Variants in EBLN1 observed in about 807,000 individuals in gnomAD.
EBLN1 encodes endogenous Bornavirus like nucleoprotein 1, also known as endogenous Bornavirus-like nucleoprotein 1.
In EBLN1, 1 loss-of-function variant was observed where a neutral mutation model predicts 0.8. That is an observed-to-expected ratio of 1.32 (90% CI 0.47 to 6.26). EBLN1 has a LOEUF of 6.26. Ranked by LOEUF, EBLN1 falls within the 30% of genes most tolerant of loss-of-function variation. The probability of loss-of-function intolerance (pLI) is 0.15; values close to 1 mark genes in which losing one functional copy is unlikely to be tolerated. For synonymous variants in EBLN1, 158 were observed against 158.5 expected (o/e 1.00, Z 0.02); for missense variants, 396 against 447.9 (o/e 0.88, Z 1.05).
chr10:22,212,237 T>C (rs1834760816), intron 2 of EBLN1, among the ~76,000 whole-genome samples: 1 of 152,214 alleles, frequency 6.6e-6, no homozygotes, highest in Non-Finnish European at 1.5e-5. Flanking sequence ...ATTTAATTAA[T>C]AACTTGAACT....
chr10:22,208,711 G>T lies in EBLN1; in HGVS notation c.*172C>A. On this transcript the variant is annotated 3_prime_UTR_variant, in exon 3 of 3. Coordinates refer to ENST00000422359, the MANE Select transcript of EBLN1 (RefSeq NM_001394757.1). ...TGGAGATCACATCTTTCAGTGGCCAGAGAATATTGGATGGACTCTTTTAAA... is the reference window on the plus strand; with the variant it reads ...TGGAGATCACATCTTTCAGTGGCCATAGAATATTGGATGGACTCTTTTAAA... 1.4e-6 allele frequency: 1 copy of T among 731,732 alleles called. No homozygotes were observed. The highest frequency in any genetic ancestry group is 2.0e-6 in the Non-Finnish European group (1 of 503,794). 45.3% of individuals were successfully genotyped at this position (731,732 alleles called of 1,614,324 possible).
At chr10:22,213,970 G>C (rs1231777946) in intron 1 of EBLN1, among the ~76,000 whole-genome samples, 1 of 152,044 alleles carries the variant, frequency 6.6e-6, no homozygotes, top group East Asian at 1.9e-4. Flanking sequence ...TAAACAATGT[G>C]GTCCTGGTGC....
chr10:22,213,782 T>G (rs1288055199), intron 1 of EBLN1, among the ~76,000 whole-genome samples: 1 of 152,186 alleles, frequency 6.6e-6, no homozygotes, highest in African/African-American at 2.4e-5. Context: ...ACAATGAATA[T>G]TCCAACAGTA....
intron 2 of EBLN1, among the ~76,000 whole-genome samples, chr10:22,212,222 A>G (rs1354039015): frequency 1.3e-5 from 2 of 152,326 alleles, no homozygotes; most frequent in African/African-American, 4.8e-5. Flanking sequence ...CAAAGATGAC[A>G]GTTAATTTAA....
chr10:22,210,085 T>C (rs1682174181), intron 2 of EBLN1, 58 bp from the exon 3 acceptor site: 1 of 1,227,740 alleles, frequency 8.1e-7, no homozygotes, highest in Non-Finnish European at 1.0e-6. Context: ...CATTTATTAA[T>C]AAAATGTATT....
chr10:22,210,515 A>G (rs1213340094), intron 2 of EBLN1, among the ~76,000 whole-genome samples: 1 of 152,196 alleles, frequency 6.6e-6, no homozygotes, highest in Non-Finnish European at 1.5e-5. Flanking sequence ...CGACATAAGG[A>G]ATTTTTCCCT....
At chr10:22,214,765 G>C (rs1160439659) in intron 1 of EBLN1, among the ~76,000 whole-genome samples, 1 of 152,040 alleles carries the variant, frequency 6.6e-6, no homozygotes, top group Non-Finnish European at 1.5e-5. Flanking sequence ...GTTACCGTAG[G>C]ACCCACCAAC....
At chr10:22,217,643 A>G (rs1834803077) in intron 1 of EBLN1, among the ~76,000 whole-genome samples, 2 of 152,236 alleles carry the variant, frequency 1.3e-5, no homozygotes, top group African/African-American at 4.8e-5. Context: ...TAAATGACAA[A>G]AGCAGATACT....
In EBLN1 at chr10:22,209,119, C is replaced by G; in HGVS notation, c.865G>C (p.Val289Leu). ...FEFGGVLRHPVIGVLSPQMFP... is the reference protein window; with the variant it reads ...FEFGGVLRHPLIGVLSPQMFP... Reference sequence around the variant, plus strand: ...ATTTGTGGTGATAGCACCCCAATAACAGGGTGGCGAAGTACACCCCCAAAT... The same window carrying G: ...ATTTGTGGTGATAGCACCCCAATAAGAGGGTGGCGAAGTACACCCCCAAAT... The change falls in exon 3 of 3, where the codon GTT (valine) becomes CTT (leucine). Residue 289 changes from valine (V) to leucine (L), a missense_variant. Coordinates refer to ENST00000422359, the MANE Select transcript of EBLN1 (RefSeq NM_001394757.1). 6.5e-7 allele frequency: 1 copy of G among 1,536,276 alleles called. No homozygotes were observed. Among genetic ancestry groups the G allele is most frequent in the Non-Finnish European group, 8.7e-7 (1 of 1,146,910 alleles).
At chr10:22,215,289 G>A (rs1227243999) in intron 1 of EBLN1, among the ~76,000 whole-genome samples, 1 of 152,098 alleles carries the variant, frequency 6.6e-6, no homozygotes, top group African/African-American at 2.4e-5. Flanking sequence ...CGGGTGAATG[G>A]TATGGTGTGT....
At chr10:22,214,595 A>G (rs1834777456) in intron 1 of EBLN1, among the ~76,000 whole-genome samples, 1 of 152,232 alleles carries the variant, frequency 6.6e-6, no homozygotes, top group African/African-American at 2.4e-5. Context: ...CAAGCGATAT[A>G]TGGGGATTAA....
Position 22,209,640 on chromosome 10 carries a change from G to C in EBLN1, c.344C>G (p.Thr115Ser). The part of the protein sequence containing the change: ...VIGNENKETG[T>S]LYASKFEDVL... Reference sequence around the variant, plus strand: ...ATCTTCAAATTTGCTAGCATAGAGAGTACCTGTTTCCTTGTTCTCATTCCC... The same window carrying C: ...ATCTTCAAATTTGCTAGCATAGAGACTACCTGTTTCCTTGTTCTCATTCCC... The change falls in exon 3 of 3, where the codon ACT (threonine) becomes AGT (serine). Residue 115 changes from threonine to serine, a missense_variant. Thr to Ser is a moderately conservative substitution (Grantham distance 58, BLOSUM62 1). Transcript: ENST00000422359. The C allele has an allele frequency of 6.5e-7, 1 of 1,535,884 alleles. No homozygotes were observed. Among genetic ancestry groups the C allele is most frequent in the Non-Finnish European group, 8.7e-7 (1 of 1,146,958 alleles).
At chr10:22,216,680 CAT>C (rs1254863141) in intron 1 of EBLN1, among the ~76,000 whole-genome samples, 2 of 152,220 alleles carry the variant, frequency 1.3e-5, no homozygotes, top group East Asian at 1.9e-4. Context: ...ATAGGTTAGA[CAT>C]ATACAATGAA....
At chr10:22,213,849 G>C (rs16922112) in intron 1 of EBLN1, among the ~76,000 whole-genome samples, 9,629 of 152,214 alleles carry the variant, frequency 0.063, 652 homozygotes, top group African/African-American at 0.17. Flanking sequence ...AAAAAAATGA[G>C]AGTCACTAAG....
At chr10:22,213,807 CA>C (rs1189658166) in intron 1 of EBLN1, among the ~76,000 whole-genome samples, 2 of 151,980 alleles carry the variant, frequency 1.3e-5, no homozygotes, top group Non-Finnish European at 2.9e-5. Flanking sequence ...GAAAACATAA[CA>C]AAACTTTGGA....
intron 2 of EBLN1, among the ~76,000 whole-genome samples, chr10:22,212,417 A>G (rs1390200802): frequency 3.3e-5 from 5 of 152,222 alleles, no homozygotes; most frequent in African/African-American, 1.2e-4. Context: ...TAGGATACAT[A>G]TACTAAATAA....
intron 1 of EBLN1, among the ~76,000 whole-genome samples, chr10:22,215,664 G>A (rs1161728916): frequency 1.3e-5 from 2 of 152,062 alleles, no homozygotes; most frequent in Non-Finnish European, 2.9e-5. Context: ...AACTTTAAAT[G>A]TAGTAATACT....
rs114422390 is a variant in EBLN1, at chr10:22,210,216, T to A, written c.-44-189A>T. 6.5e-3 allele frequency among the ~76,000 whole-genome samples: 986 copies of A among 152,302 alleles called. 12 individuals carry two copies. Among genetic ancestry groups the A allele is most frequent in the African/African-American group, 0.023 (936 of 41,550 alleles). ...ATTTTCATGCTTCTACACCTAAATG[T>A]GCAGCTGCACTAAAATCCTTTCCCC... On this transcript the variant is annotated intron_variant, in intron 2 of 2. Coordinates refer to ENST00000422359, the MANE Select transcript of EBLN1 (RefSeq NM_001394757.1).
Position 22,209,274 on chromosome 10 carries a change from T to C in EBLN1, c.710A>G (p.Tyr237Cys), listed in dbSNP as rs1834722646. ...VVASKAQMMT[Y>C]YTVRMFLDQC... The stretch of plus-strand genomic sequence containing the variant: ...ATCCAGGAACATTCTCACAGTGTAG[T>C]AGGTCATCATCTGTGCTTTGCTGGC... Residue 237 changes from tyrosine to cysteine, a missense_variant, in exon 3 of 3, where the codon TAC (tyrosine) becomes TGC (cysteine). By Grantham distance (194) the Tyr-to-Cys change is radical (BLOSUM62 -2). Coordinates refer to ENST00000422359, the MANE Select transcript of EBLN1 (RefSeq NM_001394757.1). 2.5e-6 allele frequency: 4 copies of C among 1,587,116 alleles called. No homozygotes were observed. The highest frequency in any genetic ancestry group is 2.7e-5 in the African/African-American group (2 of 74,782).
Sources: gnomAD v4.1 joint callset for allele counts (sites outside exome capture counted in the v4.1 genomes callset) on GRCh38, gnomAD v4.1.1 for gene constraint, MANE v1.5 for transcripts, NCBI Gene and HGNC (gene_info 2026-07-23, HGNC 2026-07-21) for gene names.